Variants in MC2R observed in about 807,000 individuals in gnomAD.
The protein encoded by MC2R is melanocortin 2 receptor.
In MC2R, 9 loss-of-function variants were observed where a neutral mutation model predicts 9.8. The observed-to-expected ratio is 0.92, with a 90% CI of 0.55 to 1.60. The LOEUF is 1.60. Among genes scored for constraint, MC2R ranks in the 40% most tolerant of loss-of-function variants. The pLI is 0.00. For synonymous variants in MC2R, 185 were observed against 154.7 expected, an observed-to-expected ratio of 1.20 and a Z score of -1.45; for missense variants, 370 against 389.0, an observed-to-expected ratio of 0.95 and a Z score of 0.41.
Position 13,885,490 on chromosome 18 carries a change from T to C in MC2R, c.29A>G (p.Asn10Ser), listed in dbSNP as rs758619306. Residue 10 changes from asparagine to serine, a missense_variant, in exon 2 of 2, where the codon AAC (asparagine) becomes AGC (serine). Coordinates refer to ENST00000327606, the MANE Select transcript of MC2R (RefSeq NM_000529.2). Reference protein sequence around the residue: MKHIINSYENINNTARNNSD... With the variant: MKHIINSYESINNTARNNSD... Reference sequence around the variant, plus strand: ...ATTATTTCTTGCTGTGTTGTTGATGTTTTCATACGAGTTGATAATGTGCTT... The same window carrying C: ...ATTATTTCTTGCTGTGTTGTTGATGCTTTCATACGAGTTGATAATGTGCTT... The C allele has an allele frequency of 3.1e-6, 5 of 1,614,056 alleles. No homozygotes were observed. The Admixed American group carries it at 6.7e-5, about 22-fold the overall frequency.
intron 1 of MC2R, among the ~76,000 whole-genome samples, chr18:13,897,828 C>A (rs774291485): frequency 7.9e-5 from 12 of 152,000 alleles, no homozygotes; most frequent in Non-Finnish European, 1.2e-4. Context: ...GCATTCATCA[C>A]CTGCTACCTG....
rs1041186477 is a variant in MC2R, at chr18:13,883,095, T to A, written c.*1530A>T. On this transcript the variant is annotated 3_prime_UTR_variant, in exon 2 of 2. Transcript: ENST00000327606. ...ATCAAACCCATCACCAAATGGTCTG[T>A]CCTGTGTGTGGCTGTCTTCTCCCCT... 1 of 152,300 alleles carries A rather than the reference T, an allele frequency of 6.6e-6. No homozygotes were observed. The highest frequency in any genetic ancestry group is 1.5e-5 in the Non-Finnish European group (1 of 68,118). The allele number at this position is 152,300 out of a possible 1,614,324, so 9.4% of individuals were successfully genotyped here.
Position 13,884,663 on chromosome 18 carries a change from C to T in MC2R, c.856G>A (p.Ala286Thr), listed in dbSNP as rs141066848. 6.8e-6 allele frequency: 11 copies of T among 1,613,600 alleles called. No homozygotes were observed. Among genetic ancestry groups the T allele is most frequent in the East Asian group, 2.2e-5 (1 of 44,884 alleles). The change falls in exon 2 of 2, where the codon GCA becomes ACA. Residue 286 changes from alanine (A) to threonine (T), a missense_variant. Transcript: ENST00000327606. ...CTGCAGAAGATCATCTTTTTGAATG[C>T]GTCCCTGAGCTCTGGGCTCCGGAAG... Reference protein sequence around the residue: ...YAFRSPELRDAFKKMIFCSRY... With the variant: ...YAFRSPELRDTFKKMIFCSRY...
chr18:13,902,582 G>A (rs2045386809), intron 1 of MC2R, among the ~76,000 whole-genome samples: 1 of 152,078 alleles, frequency 6.6e-6, no homozygotes, highest in Admixed American at 6.6e-5. Flanking sequence ...CCAAGAACAT[G>A]CAATGGGGGA....
At position 13,884,472 on chromosome 18, in the gene MC2R, C is replaced by T; in HGVS notation, c.*153G>A. On this transcript the variant is annotated 3_prime_UTR_variant, in exon 2 of 2. Coordinates refer to ENST00000327606, the MANE Select transcript of MC2R (RefSeq NM_000529.2). The stretch of plus-strand genomic sequence containing the variant: ...CTACAATAAGACTGTTCACATAGAA[C>T]CTAGCTATTAGAAACACTAGCTGGT... 2 of 818,540 alleles carry T rather than the reference C, an allele frequency of 2.4e-6. No individual in the cohort carries two copies. Among genetic ancestry groups the T allele is most frequent in the Non-Finnish European group, 4.1e-6 (2 of 488,990 alleles). The allele number at this position is 818,540 out of a possible 1,614,324, so 50.7% of individuals were successfully genotyped here.
chr18:13,907,411 T>C (rs1486505562), intron 1 of MC2R, among the ~76,000 whole-genome samples: 1 of 152,182 alleles, frequency 6.6e-6, no homozygotes, highest in Non-Finnish European at 1.5e-5. Flanking sequence ...CCCGAAACTA[T>C]GAAACTACTT....
chr18:13,899,903 T>C (rs2045368659), intron 1 of MC2R, among the ~76,000 whole-genome samples: 1 of 152,068 alleles, frequency 6.6e-6, no homozygotes. Flanking sequence ...GAGCAATAAG[T>C]AATCACCTGA....
chr18:13,894,319 A>G (rs1954993682), intron 1 of MC2R, among the ~76,000 whole-genome samples: 1 of 152,196 alleles, frequency 6.6e-6, no homozygotes, highest in Non-Finnish European at 1.5e-5. Flanking sequence ...AGAGTCTCAT[A>G]TCCAATTTAT....
At chr18:13,911,795 C>T (rs2045446183) in intron 1 of MC2R, among the ~76,000 whole-genome samples, 1 of 152,192 alleles carries the variant, frequency 6.6e-6, no homozygotes, top group Non-Finnish European at 1.5e-5. Flanking sequence ...GGGCTTTAAT[C>T]CAAGTAATCA....
intron 1 of MC2R, among the ~76,000 whole-genome samples, chr18:13,897,774 A>G (rs895262731): frequency 1.3e-5 from 2 of 152,102 alleles, no homozygotes; most frequent in Non-Finnish European, 2.9e-5. Context: ...ACCCTGGGCC[A>G]GAAGGGAACT....
In MC2R at chr18:13,905,087, A is replaced by T. The variant is rs926749525; in HGVS notation, c.-129+10401T>A. Reference sequence around the variant, plus strand: ...CTGCACAGCAAAAGAAACTATCATCAGTGTGAACAGGCAACCTACAGAATA... The same window carrying T: ...CTGCACAGCAAAAGAAACTATCATCTGTGTGAACAGGCAACCTACAGAATA... On this transcript the variant is annotated intron_variant, in intron 1 of 1. Transcript: ENST00000327606. Among the ~76,000 whole-genome samples, 4 of 152,296 alleles carry T rather than the reference A, an allele frequency of 2.6e-5. No homozygotes were observed. The South Asian group carries it at 6.2e-4, about 24-fold the overall frequency.
chr18:13,894,487 T>C (rs1375903667), intron 1 of MC2R, among the ~76,000 whole-genome samples: 2 of 152,248 alleles, frequency 1.3e-5, no homozygotes, highest in East Asian at 1.9e-4. Context: ...ACTCAGTGCA[T>C]AGATTTTACA....
chr18:13,895,719 G>A (rs562699583), intron 1 of MC2R, among the ~76,000 whole-genome samples: 29 of 152,288 alleles, frequency 1.9e-4, no homozygotes, highest in African/African-American at 6.5e-4. Flanking sequence ...GTTTTGGCCC[G>A]GAGCTCCAGG....
intron 1 of MC2R, among the ~76,000 whole-genome samples, chr18:13,908,929 T>C (rs2045429283): frequency 1.3e-5 from 2 of 152,210 alleles, no homozygotes; most frequent in Admixed American, 6.5e-5. Flanking sequence ...TCTTACATCA[T>C]GTTAACATCT....
chr18:13,908,706 T>TTGTGTG (rs57512236), intron 1 of MC2R, among the ~76,000 whole-genome samples: 2,260 of 142,638 alleles, frequency 0.016, 35 homozygotes, highest in South Asian at 0.049. Flanking sequence ...CAGGAGCTTC[T>TTGTGTG]TGTGTGTGTG....
intron 1 of MC2R, among the ~76,000 whole-genome samples, chr18:13,893,847 G>A (rs1204626341): frequency 1.3e-5 from 2 of 152,208 alleles, no homozygotes; most frequent in Non-Finnish European, 2.9e-5. Context: ...CTCTGTGATT[G>A]CATTTAACTG....
chr18:13,901,574 C>CA (rs936839149), intron 1 of MC2R, among the ~76,000 whole-genome samples: 3 of 151,568 alleles, frequency 2.0e-5, no homozygotes, highest in Non-Finnish European at 4.4e-5. Flanking sequence ...AACTGATGCA[C>CA]AAAAAATCAT....
chr18:13,901,516 A>G (rs1486671564), intron 1 of MC2R, among the ~76,000 whole-genome samples: 1 of 152,072 alleles, frequency 6.6e-6, no homozygotes, highest in African/African-American at 2.4e-5. Context: ...AGAAAAAAAG[A>G]GAGAAGATAT....
At chr18:13,885,796 C>T (rs1023940145) in intron 1 of MC2R, 150 bp from the exon 2 acceptor site, 15 of 456,616 alleles carry the variant, frequency 3.3e-5, no homozygotes, top group African/African-American at 2.6e-4. Flanking sequence ...TATTGCAGCA[C>T]TAGTGACAAT....
Sources: gnomAD v4.1 joint callset for allele counts (sites outside exome capture counted in the v4.1 genomes callset) on GRCh38, gnomAD v4.1.1 for gene constraint, MANE v1.5 for transcripts, NCBI Gene and HGNC (gene_info 2026-07-23, HGNC 2026-07-21) for gene names.